Variants in CREB5 observed in about 807,000 individuals in gnomAD.
The protein encoded by CREB5 is cAMP responsive element binding protein 5, also known as cyclic AMP-responsive element-binding protein 5.
Under a neutral mutation model 57.1 loss-of-function variants are expected in CREB5, and 19 were observed. The observed-to-expected ratio is 0.33, with a 90% confidence interval of 0.23 to 0.49. The LOEUF (loss-of-function observed/expected upper bound fraction) is 0.49. CREB5 is among the 20% of genes least tolerant of loss of function. CREB5 has a pLI of 0.99. For missense variants in CREB5, 579 were observed against 671.6 expected (o/e 0.86, Z 1.52); for synonymous variants, 238 against 238.3 (o/e 1.00, Z 0.01).
chr7:28,560,919 T>TGTGCGTGCGCGCGTGTGC (rs1180392566), intron 4 of CREB5, among the ~76,000 whole-genome samples: 1 of 42,990 alleles, frequency 2.3e-5, no homozygotes, highest in Non-Finnish European at 4.5e-5. Context: ...CGTGTGCGTG[T>TGTGCGTGCGCGCGTGTGC]GTGCGCGTGC....
intron 5 of CREB5, among the ~76,000 whole-genome samples, chr7:28,689,909 GGTGTGTGTGTGTGT>G (rs34310030): frequency 5.7e-4 from 81 of 141,670 alleles, no homozygotes; most frequent in African/African-American, 1.9e-3. Context: ...ACTTGTATTT[GGTGTGTGTGTGTGT>G]GTGTGTGTGT....
At chr7:28,301,217 T>G (rs1330410463) in intron 1 of CREB5, among the ~76,000 whole-genome samples, 4 of 152,210 alleles carry the variant, frequency 2.6e-5, no homozygotes, top group Non-Finnish European at 5.9e-5. Context: ...CAGCTGTCCT[T>G]GGATTGTGGT....
At chr7:28,418,739 A>G (rs1168832172) in intron 1 of CREB5, among the ~76,000 whole-genome samples, 2 of 152,214 alleles carry the variant, frequency 1.3e-5, no homozygotes, top group African/African-American at 4.8e-5. Flanking sequence ...TATAGATGGG[A>G]AAACTAAGAG....
chr7:28,498,721 A>G (rs1031827931), intron 3 of CREB5, among the ~76,000 whole-genome samples: 1 of 152,194 alleles, frequency 6.6e-6, no homozygotes, highest in Non-Finnish European at 1.5e-5. Flanking sequence ...GACAGAGTAG[A>G]GACACAAATG....
At chr7:28,578,637 G>A (rs980765339) in intron 5 of CREB5, among the ~76,000 whole-genome samples, 3 of 152,098 alleles carry the variant, frequency 2.0e-5, no homozygotes, top group Non-Finnish European at 1.5e-5. Context: ...AATAACTCTT[G>A]TCTGAACTGT....
intron 5 of CREB5, among the ~76,000 whole-genome samples, chr7:28,599,593 A>G (rs1353605141): frequency 1.3e-5 from 2 of 152,190 alleles, no homozygotes; most frequent in Non-Finnish European, 2.9e-5. Context: ...GCCTCCGGAA[A>G]CCATGCGCCC....
intron 4 of CREB5, among the ~76,000 whole-genome samples, chr7:28,519,594 G>A (rs1351501922): frequency 6.6e-6 from 1 of 152,136 alleles, no homozygotes; most frequent in Non-Finnish European, 1.5e-5. Context: ...GCAACCAGAG[G>A]CACATATTGT....
At chr7:28,490,100 C>G (rs1296915835) in intron 2 of CREB5, among the ~76,000 whole-genome samples, 1 of 152,200 alleles carries the variant, frequency 6.6e-6, no homozygotes, top group African/African-American at 2.4e-5. Context: ...ACGTTTGATT[C>G]AACTCAAATT....
intron 5 of CREB5, among the ~76,000 whole-genome samples, chr7:28,592,555 T>A (rs575955705): frequency 7.2e-5 from 11 of 152,170 alleles, no homozygotes; most frequent in Non-Finnish European, 1.6e-4. Flanking sequence ...TTAGTGGCTC[T>A]ACATCACCCC....
intron 4 of CREB5, among the ~76,000 whole-genome samples, chr7:28,517,608 T>C (rs2128613189): frequency 6.6e-6 from 1 of 152,310 alleles, no homozygotes; most frequent in South Asian, 2.1e-4. Flanking sequence ...TTTTTGGAAC[T>C]AGTTGTTCTG....
intron 1 of CREB5, among the ~76,000 whole-genome samples, chr7:28,472,864 A>T (rs1790888210): frequency 6.6e-6 from 1 of 151,886 alleles, no homozygotes; most frequent in Non-Finnish European, 1.5e-5. Context: ...TTTTTCTCTT[A>T]CCTGGGGCCT....
chr7:28,741,754 A>C (rs1241660668), intron 7 of CREB5, among the ~76,000 whole-genome samples: 1 of 152,068 alleles, frequency 6.6e-6, no homozygotes, highest in Non-Finnish European at 1.5e-5. Flanking sequence ...AGATATATCC[A>C]TTTCATAGCC....
intron 5 of CREB5, among the ~76,000 whole-genome samples, chr7:28,593,122 A>G (rs148874622): frequency 6.6e-6 from 1 of 152,350 alleles, no homozygotes; most frequent in East Asian, 1.9e-4. Context: ...CCATGCCAAG[A>G]AAGAATTAAC....
chr7:28,720,047 G>A (rs546222230), intron 6 of CREB5, among the ~76,000 whole-genome samples: 23 of 152,304 alleles, frequency 1.5e-4, no homozygotes, highest in Non-Finnish European at 3.2e-4. Context: ...GTGACAGAGC[G>A]AGACTCCGTC....
chr7:28,547,887 T>TA (rs1794479120), intron 4 of CREB5, among the ~76,000 whole-genome samples: 1 of 152,208 alleles, frequency 6.6e-6, no homozygotes, highest in Non-Finnish European at 1.5e-5. Context: ...AGTGGGGTGC[T>TA]ACACAGACCT....
intron 1 of CREB5, among the ~76,000 whole-genome samples, chr7:28,457,420 T>G (rs1350556617): frequency 2.0e-5 from 3 of 152,180 alleles, no homozygotes; most frequent in African/African-American, 7.2e-5. Flanking sequence ...ATGTTCTGCA[T>G]AGGGCAGGCA....
intron 1 of CREB5, among the ~76,000 whole-genome samples, chr7:28,405,508 G>A (rs1020721583): frequency 4.6e-5 from 7 of 152,142 alleles, no homozygotes; most frequent in South Asian, 4.1e-4. Context: ...ATCCTCCTGG[G>A]TTCAAACAAT....
chr7:28,444,860 C>G (rs974742226), intron 1 of CREB5, among the ~76,000 whole-genome samples: 2 of 152,168 alleles, frequency 1.3e-5, no homozygotes, highest in African/African-American at 4.8e-5. Context: ...TGTGATGACT[C>G]TTGTGGGGTC....
chr7:28,709,010 G>C (rs1411654443), intron 5 of CREB5, among the ~76,000 whole-genome samples: 1 of 152,310 alleles, frequency 6.6e-6, no homozygotes, highest in Non-Finnish European at 1.5e-5. Flanking sequence ...ACTCACAACG[G>C]AAAGAAATTT....
Sources: gnomAD v4.1 joint callset for allele counts (sites outside exome capture counted in the v4.1 genomes callset) on GRCh38, gnomAD v4.1.1 for gene constraint, MANE v1.5 for transcripts, NCBI Gene and HGNC (gene_info 2026-07-23, HGNC 2026-07-21) for gene names.